The following DSCAML1 variants were observed in gnomAD, a reference collection of about 807,000 sequenced individuals.
DSCAML1 encodes the protein DS cell adhesion molecule like 1.
A neutral mutation model predicts 200.5 loss-of-function variants in DSCAML1; 38 were observed. The ratio of observed to expected loss-of-function variants is 0.19; its 90% CI spans 0.15 to 0.25. The LOEUF (loss-of-function observed/expected upper bound fraction) is 0.25. DSCAML1 is among the 10% of genes least tolerant of loss of function. The pLI, the probability that DSCAML1 is intolerant of heterozygous loss-of-function variation, is 1.00. For synonymous variants in DSCAML1, 1,215 were observed against 1,165.0 expected (o/e 1.04, Z -0.87); for missense variants, 2,223 against 2,858.8 (o/e 0.78, Z 5.07).
intron 1 of DSCAML1, among the ~76,000 whole-genome samples, chr11:117,792,169 C>A (rs1256294258): frequency 1.3e-5 from 2 of 152,200 alleles, no homozygotes; most frequent in Non-Finnish European, 2.9e-5. Flanking sequence ...TGAGGCTCCA[C>A]CTCACCCCTT....
At chr11:117,563,024 C>T (rs2010473) in intron 3 of DSCAML1, among the ~76,000 whole-genome samples, 88,633 of 151,962 alleles carry the variant, frequency 0.58, 26,642 homozygotes, top group Non-Finnish European at 0.66. Flanking sequence ...CACTCATTGA[C>T]GTGCCCCCGT....
chr11:117,576,992 G>T (rs904294189), intron 3 of DSCAML1, among the ~76,000 whole-genome samples: 8 of 152,178 alleles, frequency 5.3e-5, no homozygotes, highest in African/African-American at 1.9e-4. Context: ...CCTTGATTGA[G>T]AATTTAATTT....
intron 3 of DSCAML1, among the ~76,000 whole-genome samples, chr11:117,674,018 C>G (rs1199924222): frequency 6.6e-6 from 1 of 152,234 alleles, no homozygotes; most frequent in African/African-American, 2.4e-5. Context: ...TTTCTCGAGG[C>G]TCATTCCTGT....
intron 32 of DSCAML1, 67 bp from the exon 33 acceptor site, chr11:117,428,870 C>T: frequency 1.4e-5 from 20 of 1,420,514 alleles, no homozygotes; most frequent in African/African-American, 2.8e-5. Context: ...CGTTCAGCCC[C>T]CACCCCATCC....
At chr11:117,459,803 C>G (rs886738013) in intron 18 of DSCAML1, among the ~76,000 whole-genome samples, 1 of 148,244 alleles carries the variant, frequency 6.7e-6, no homozygotes, top group Non-Finnish European at 1.5e-5. Flanking sequence ...TTCCTGGAGA[C>G]CCCCCTCCCA....
chr11:117,525,403 G>A (rs1040083990), intron 4 of DSCAML1, among the ~76,000 whole-genome samples: 12 of 152,196 alleles, frequency 7.9e-5, no homozygotes, highest in Admixed American at 1.3e-4. Flanking sequence ...AGAGCAAGAC[G>A]TGCAGGGAGG....
intron 3 of DSCAML1, chr11:117,612,113 G>A (rs1005910663): frequency 1.3e-5 from 2 of 152,148 alleles, no homozygotes; most frequent in Non-Finnish European, 2.9e-5. Context: ...ACAGTGCTCT[G>A]TATACAGTAA....
chr11:117,691,855 G>A (rs557681991), intron 3 of DSCAML1, among the ~76,000 whole-genome samples: 54 of 152,234 alleles, frequency 3.5e-4, no homozygotes, highest in African/African-American at 1.3e-3. Flanking sequence ...TCAGAGATGG[G>A]AGTGGAATCC....
chr11:117,475,779 G>A (rs935399688), intron 14 of DSCAML1, among the ~76,000 whole-genome samples: 1 of 152,160 alleles, frequency 6.6e-6, no homozygotes, highest in African/African-American at 2.4e-5. Flanking sequence ...GAGTGTCCCG[G>A]AGAACAACTC....
intron 3 of DSCAML1, among the ~76,000 whole-genome samples, chr11:117,557,863 G>A (rs1341355184): frequency 2.0e-5 from 3 of 152,102 alleles, no homozygotes; most frequent in African/African-American, 7.2e-5. Flanking sequence ...CGCCCCTTAG[G>A]AGACATATGG....
At chr11:117,436,397 C>T (rs1425950947) in intron 26 of DSCAML1, among the ~76,000 whole-genome samples, 1 of 152,166 alleles carries the variant, frequency 6.6e-6, no homozygotes, top group Non-Finnish European at 1.5e-5. Flanking sequence ...CTTCATGAAG[C>T]CTTCCTTGCT....
chr11:117,656,169 C>T (rs914997922), intron 3 of DSCAML1, among the ~76,000 whole-genome samples: 2 of 152,204 alleles, frequency 1.3e-5, no homozygotes, highest in African/African-American at 4.8e-5. Context: ...ACCCAGAAGG[C>T]AGAGTTTGCA....
rs117759847 is a variant in DSCAML1, at chr11:117,534,653, C to A, written c.512-2131G>T. 2.2e-3 allele frequency among the ~76,000 whole-genome samples: 334 copies of A among 152,318 alleles called. 2 individuals carry two copies. The highest frequency in any genetic ancestry group is 0.01 in the Middle Eastern group (3 of 294). On this transcript the variant is annotated intron_variant, in intron 3 of 32. Coordinates refer to ENST00000651296, the MANE Select transcript of DSCAML1 (RefSeq NM_020693.4). ...TGAGACAGACTGTCACTCTGCCACCCAGACTGAGTGCAGTGGTGTGATCAC... is the reference window on the plus strand; with the variant it reads ...TGAGACAGACTGTCACTCTGCCACCAAGACTGAGTGCAGTGGTGTGATCAC...
chr11:117,460,524 T>C lies in DSCAML1; in HGVS notation c.3412+926A>G, dbSNP rs75292626. ...ACTCATTTTAGTCCTTTGTGGTCTA[T>C]TGAGATGACTAAGGCCTTTAATGGA... On this transcript the variant is annotated intron_variant, in intron 18 of 32. Transcript: ENST00000651296. Among the ~76,000 whole-genome samples the C allele has an allele frequency of 5.0e-3, 764 of 152,202 alleles. 1 individual carries two copies. Among genetic ancestry groups the C allele is most frequent in the Non-Finnish European group, 8.2e-3 (556 of 68,004 alleles).
rs2049488939 is a variant in DSCAML1, at chr11:117,505,971, ACT to A, written c.1784-241_1784-240del. 1.3e-5 allele frequency among the ~76,000 whole-genome samples: 2 copies of A among 151,988 alleles called. No homozygotes were observed. The highest frequency in any genetic ancestry group is 4.8e-5 in the African/African-American group (2 of 41,352). On this transcript the variant is annotated intron_variant, in intron 8 of 32. Transcript: ENST00000651296. The surrounding 1 kb of genome is among the most constrained non-coding windows in gnomAD (Gnocchi z 6.7). ...TCAGGGCCTTGACTGGCCTGGATTA[ACT>A]CTGACCTTTTGATGTGTCCTGGAAT...
chr11:117,712,073 C>G (rs536962673), intron 3 of DSCAML1, among the ~76,000 whole-genome samples: 1 of 152,230 alleles, frequency 6.6e-6, no homozygotes, highest in African/African-American at 2.4e-5. Flanking sequence ...GCATTATGAG[C>G]TATATAATGC....
At position 117,452,485 on chromosome 11, in the gene DSCAML1, T is replaced by C. The variant is rs118001513; in HGVS notation, c.3569-1797A>G. ...TTTCCATTCATGTTGAACCTTTCTA[T>C]ACCCTTATGTTTTAGACATCTCCTG... On this transcript the variant is annotated intron_variant, in intron 19 of 32. Coordinates refer to ENST00000651296, the MANE Select transcript of DSCAML1 (RefSeq NM_020693.4). 3.8e-3 allele frequency among the ~76,000 whole-genome samples: 584 copies of C among 152,348 alleles called. 11 individuals carry two copies. The East Asian group carries it at 0.056, about 14-fold the overall frequency.
chr11:117,657,135 G>A (rs994544272), intron 3 of DSCAML1, among the ~76,000 whole-genome samples: 3 of 152,172 alleles, frequency 2.0e-5, no homozygotes, highest in African/African-American at 7.2e-5. Flanking sequence ...GTCCTGGAAG[G>A]TGACACCTCT....
rs1393910167 is a variant in DSCAML1 at position 117,780,284 on chromosome 11, G to GAA, written c.364+207_364+208dup. On this transcript the variant is annotated intron_variant, in intron 2 of 32. Coordinates refer to ENST00000651296, the MANE Select transcript of DSCAML1 (RefSeq NM_020693.4). The surrounding 1 kb of genome is among the most constrained non-coding windows in gnomAD (Gnocchi z 4.8). Reference sequence around the variant, plus strand: ...AGAAAGAAAGAAAGAAAGAAAGAAAGAAAGAAAGAAAGAAAGAAAGAGAGA... The same window carrying GAA: ...AGAAAGAAAGAAAGAAAGAAAGAAAGAAAAAGAAAGAAAGAAAGAAAGAGAGA... Among the ~76,000 whole-genome samples the GAA allele has an allele frequency of 4.1e-5, 4 of 96,838 alleles. 1 individual carries two copies. Among genetic ancestry groups the GAA allele is most frequent in the Admixed American group, 9.9e-5 (1 of 10,074 alleles). 63.5% of individuals were successfully genotyped at this position (96,838 alleles called of 152,430 possible).
Sources: allele counts gnomAD v4.1 joint callset (sites outside exome capture counted in the v4.1 genomes callset), GRCh38; gene constraint gnomAD v4.1.1; non-coding constraint Gnocchi (gnomAD v3.1); transcripts MANE v1.5; gene names NCBI Gene and HGNC (gene_info 2026-07-23, HGNC 2026-07-21).